The following CNTNAP2 variants were observed in gnomAD, a reference collection of about 807,000 sequenced individuals.
The protein encoded by CNTNAP2 is contactin associated protein 2, also known as contactin-associated protein-like 2.
A neutral mutation model predicts 155.2 loss-of-function variants in CNTNAP2; 98 were observed. The ratio of observed to expected loss-of-function variants is 0.63; its 90% CI spans 0.54 to 0.75. The LOEUF is 0.75. Ranked by LOEUF, CNTNAP2 falls within the 30% of genes least tolerant of loss-of-function variation. The probability of loss-of-function intolerance (pLI) is 0.00; values close to 1 mark genes in which losing one functional copy is unlikely to be tolerated. For synonymous variants in CNTNAP2, 651 were observed against 631.2 expected, an observed-to-expected ratio of 1.03 and a Z score of -0.47; for missense variants, 1,727 against 1,688.1, an observed-to-expected ratio of 1.02 and a Z score of -0.40.
At chr7:148,033,364 A>T (rs1343990575) in intron 15 of CNTNAP2, among the ~76,000 whole-genome samples, 1 of 40,864 alleles carries the variant, frequency 2.4e-5, no homozygotes, top group African/African-American at 1.8e-4. Context: ...ATTTCTTCTA[A>T]AAAAAAAAAA....
intron 20 of CNTNAP2, among the ~76,000 whole-genome samples, chr7:148,257,294 A>T (rs1285468776): frequency 6.6e-6 from 1 of 152,136 alleles, no homozygotes. Context: ...CCCTTCGTAA[A>T]GGCATCCGCC....
intron 1 of CNTNAP2, among the ~76,000 whole-genome samples, chr7:146,756,493 A>G (rs1433411530): frequency 6.6e-6 from 1 of 152,038 alleles, no homozygotes; most frequent in Admixed American, 6.6e-5. Flanking sequence ...GTATCTTTTC[A>G]TATCTTTTCT....
intron 2 of CNTNAP2, among the ~76,000 whole-genome samples, chr7:146,792,445 C>G (rs1802691475): frequency 6.6e-6 from 1 of 152,074 alleles, no homozygotes; most frequent in Non-Finnish European, 1.5e-5. Flanking sequence ...AACATTGATC[C>G]CTTCAGCCAT....
At chr7:148,097,022 T>C (rs899984887) in intron 15 of CNTNAP2, among the ~76,000 whole-genome samples, 1 of 152,164 alleles carries the variant, frequency 6.6e-6, no homozygotes, top group Non-Finnish European at 1.5e-5. Context: ...GCCAAATCCA[T>C]GCTCCAGGAA....
intron 1 of CNTNAP2, among the ~76,000 whole-genome samples, chr7:146,654,530 A>G (rs1799964684): frequency 6.6e-6 from 1 of 152,184 alleles, no homozygotes; most frequent in South Asian, 2.1e-4. Flanking sequence ...AATATTAAAG[A>G]TTAAGAATAA....
intron 8 of CNTNAP2, among the ~76,000 whole-genome samples, chr7:147,187,273 T>C (rs944436614): frequency 3.3e-5 from 5 of 152,076 alleles, no homozygotes; most frequent in African/African-American, 1.2e-4. Context: ...GTTGGGGGCA[T>C]AAAGATAGAG....
intron 3 of CNTNAP2, among the ~76,000 whole-genome samples, chr7:147,012,812 G>C (rs1274349155): frequency 6.6e-6 from 1 of 152,108 alleles, no homozygotes; most frequent in East Asian, 1.9e-4. Context: ...CAGAGCAAGT[G>C]AAAGAGCTCC....
At chr7:146,185,610 G>A (rs1206692216) in intron 1 of CNTNAP2, among the ~76,000 whole-genome samples, 3 of 152,156 alleles carry the variant, frequency 2.0e-5, no homozygotes, top group Admixed American at 1.3e-4. Flanking sequence ...GATGAGGCTC[G>A]TGCCTGGCAC....
chr7:146,718,131 C>A (rs568250350), intron 1 of CNTNAP2, among the ~76,000 whole-genome samples: 1 of 152,080 alleles, frequency 6.6e-6, no homozygotes, highest in African/African-American at 2.4e-5. Flanking sequence ...ATTCTATATG[C>A]TAGTCGATTT....
At chr7:146,465,205 C>G (rs1040072805) in intron 1 of CNTNAP2, among the ~76,000 whole-genome samples, 2 of 152,040 alleles carry the variant, frequency 1.3e-5, no homozygotes, top group African/African-American at 4.8e-5. Context: ...GTCTTGAGTC[C>G]AAATACTCAG....
At chr7:148,303,240 G>A (rs1797426874) in intron 21 of CNTNAP2, among the ~76,000 whole-genome samples, 1 of 152,148 alleles carries the variant, frequency 6.6e-6, no homozygotes, top group South Asian at 2.1e-4. Context: ...ATTTCCTTGA[G>A]CTCATAAATG....
intron 13 of CNTNAP2, among the ~76,000 whole-genome samples, chr7:147,645,511 A>C (rs1327037091): frequency 6.6e-6 from 1 of 152,228 alleles, no homozygotes; most frequent in Non-Finnish European, 1.5e-5. Context: ...GTAATAACTA[A>C]AGGGTAAAAT....
intron 12 of CNTNAP2, among the ~76,000 whole-genome samples, chr7:147,621,990 TATAAC>T (rs1171577820): frequency 1.3e-5 from 2 of 151,882 alleles, no homozygotes; most frequent in Non-Finnish European, 2.9e-5. Flanking sequence ...TAGCTACACT[TATAAC>T]AGACAAATTA....
chr7:147,471,851 G>T (rs766774706), intron 10 of CNTNAP2, among the ~76,000 whole-genome samples: 2 of 152,162 alleles, frequency 1.3e-5, no homozygotes, highest in Non-Finnish European at 2.9e-5. Context: ...AAATTAAAGA[G>T]AACAACAAAT....
At chr7:148,275,419 A>G (rs1219412825) in intron 21 of CNTNAP2, among the ~76,000 whole-genome samples, 1 of 152,146 alleles carries the variant, frequency 6.6e-6, no homozygotes, top group Non-Finnish European at 1.5e-5. Flanking sequence ...GGGTAAAGCA[A>G]TGGGCTGAAG....
intron 1 of CNTNAP2, among the ~76,000 whole-genome samples, chr7:146,709,866 A>T (rs1437838776): frequency 6.6e-6 from 1 of 152,192 alleles, no homozygotes; most frequent in Non-Finnish European, 1.5e-5. Flanking sequence ...CTCTGTTCAG[A>T]GTCCAAGAAC....
chr7:146,913,351 A>G (rs1796329093), intron 3 of CNTNAP2, among the ~76,000 whole-genome samples: 1 of 152,124 alleles, frequency 6.6e-6, no homozygotes, highest in Non-Finnish European at 1.5e-5. Context: ...GGGGTTTGTG[A>G]TTTTCCTGTA....
intron 1 of CNTNAP2, among the ~76,000 whole-genome samples, chr7:146,521,193 C>T (rs942913136): frequency 2.0e-5 from 3 of 151,812 alleles, no homozygotes; most frequent in Non-Finnish European, 2.9e-5. Context: ...ATTTTAAGCT[C>T]TTTAGGATAT....
intron 15 of CNTNAP2, among the ~76,000 whole-genome samples, chr7:148,006,097 C>G (rs937247147): frequency 2.6e-4 from 39 of 152,054 alleles, no homozygotes; most frequent in African/African-American, 9.2e-4. Context: ...GAACCCATTA[C>G]TAACAAATCT....
Sources: allele counts gnomAD v4.1 joint callset (sites outside exome capture counted in the v4.1 genomes callset), GRCh38; gene constraint gnomAD v4.1.1; transcripts MANE v1.5; gene names NCBI Gene and HGNC (gene_info 2026-07-23, HGNC 2026-07-21).